Variants in PCDH11Y observed in about 807,000 individuals in gnomAD.
PCDH11Y encodes the protein protocadherin-11 Y-linked.
For missense variants in PCDH11Y, 12 were observed against 224.8 expected, an observed-to-expected ratio of 0.05 and a Z score of 6.05; for synonymous variants, 9 against 83.6, an observed-to-expected ratio of 0.11 and a Z score of 4.87.
At chrY:5,109,251 G>C, downstream of PCDH11Y, among the ~76,000 whole-genome samples, 2 of 33,117 alleles carry the variant, frequency 6.0e-5, no homozygotes, top group Non-Finnish European at 7.4e-5. Flanking sequence ...GACATCTTTG[G>C]TTTAATGTAT....
intron 4 of PCDH11Y, among the ~76,000 whole-genome samples, chrY:5,702,394 A>G: frequency 4.0e-5 from 1 of 24,715 alleles, no homozygotes; most frequent in Non-Finnish European, 9.3e-5. Context: ...CGAACTCCCA[A>G]CCTTAGATGA....
chrY:5,462,659 G>A, intron 2 of PCDH11Y, among the ~76,000 whole-genome samples: 1 of 31,479 alleles, frequency 3.2e-5, no homozygotes, highest in Non-Finnish European at 7.6e-5. Context: ...TTTTTGAGAC[G>A]GAGTTTCGCT....
chrY:5,700,101 G>T, intron 4 of PCDH11Y, among the ~76,000 whole-genome samples: 1 of 32,503 alleles, frequency 3.1e-5, no homozygotes, highest in Non-Finnish European at 7.5e-5. Flanking sequence ...CTTGGTGAGA[G>T]CTGCTGACCA....
chrY:5,602,073 GC>G (rs2053473284), intron 4 of PCDH11Y, among the ~76,000 whole-genome samples: 1 of 24,984 alleles, frequency 4.0e-5, no homozygotes, highest in African/African-American at 1.6e-4. Context: ...TCATGCACAA[GC>G]TAAATTGTAC....
At chrY:5,415,217 TA>T (rs2053251959) in intron 2 of PCDH11Y, among the ~76,000 whole-genome samples, 1 of 33,834 alleles carries the variant, frequency 3.0e-5, no homozygotes, top group Non-Finnish European at 7.3e-5. Flanking sequence ...CTGTGTGGTC[TA>T]ACTCTGGAGG....
chrY:5,519,234 C>CA (rs2053376541), intron 3 of PCDH11Y, among the ~76,000 whole-genome samples: 1 of 31,610 alleles, frequency 3.2e-5, no homozygotes, highest in Non-Finnish European at 7.7e-5. Context: ...ACTAAAAATA[C>CA]AAAAAATTAG....
intron 1 of PCDH11Y, among the ~76,000 whole-genome samples, chrY:5,091,120 A>C (rs2124633846): frequency 3.1e-5 from 1 of 32,666 alleles, no homozygotes; most frequent in Non-Finnish European, 7.6e-5. Flanking sequence ...AGTCTTTAAA[A>C]GGAAATATTT....
intron 4 of PCDH11Y, among the ~76,000 whole-genome samples, chrY:5,603,630 G>A (rs2053474871): frequency 3.3e-5 from 1 of 30,558 alleles, no homozygotes; most frequent in African/African-American, 1.3e-4. Context: ...CGATGATCCT[G>A]AAAGATCTTC....
intron 1 of PCDH11Y, among the ~76,000 whole-genome samples, chrY:5,016,866 C>T: frequency 3.0e-5 from 1 of 32,977 alleles, no homozygotes; most frequent in African/African-American, 1.2e-4. Context: ...TAAACAATAC[C>T]AATCATCCAA....
chrY:5,597,744 G>A, intron 4 of PCDH11Y, among the ~76,000 whole-genome samples: 1 of 31,772 alleles, frequency 3.1e-5, no homozygotes, highest in South Asian at 7.0e-4. Context: ...AACCTCATAT[G>A]TTCTCACTCA....
In PCDH11Y at chrY:5,529,218, G is replaced by A. The variant is rs2124691278; in HGVS notation, c.3328+27963G>A. On this transcript the variant is annotated intron_variant, in intron 3 of 4. Transcript: ENST00000400457. ...GAAAGTCAAAGATTTGCTATTGTGTGTATATATGTGTGTGTGTTTGTGTGT... is the reference window on the plus strand; with the variant it reads ...GAAAGTCAAAGATTTGCTATTGTGTATATATATGTGTGTGTGTTTGTGTGT... Among the ~76,000 whole-genome samples, 16 of 32,544 alleles carry A rather than the reference G, an allele frequency of 4.9e-4. No individual in the cohort carries two copies. The South Asian group carries it at 0.011, about 21-fold the overall frequency. The allele number at this position is 32,544 out of a possible 37,273, so 87.3% of individuals were successfully genotyped here. A position where few individuals can be genotyped will look rare whatever the true frequency, so the allele number is the denominator to read the frequency against.
intron 4 of PCDH11Y, among the ~76,000 whole-genome samples, chrY:5,618,391 A>G (rs1602952342): frequency 3.1e-5 from 1 of 32,098 alleles, no homozygotes; most frequent in South Asian, 6.6e-4. Context: ...AAATCAGAAT[A>G]TAGAAGTTCT....
intron 2 of PCDH11Y, among the ~76,000 whole-genome samples, chrY:5,215,217 T>G: frequency 3.2e-5 from 1 of 31,539 alleles, no homozygotes; most frequent in Non-Finnish European, 7.7e-5. Context: ...TTTCCAGGGA[T>G]AGCGGAAATC....
intron 2 of PCDH11Y, among the ~76,000 whole-genome samples, chrY:5,376,249 C>T (rs2124673881): frequency 3.1e-5 from 1 of 32,459 alleles, no homozygotes; most frequent in Non-Finnish European, 7.6e-5. Context: ...CTGCAAGCTC[C>T]GCCTCCCAGG....
intron 2 of PCDH11Y, among the ~76,000 whole-genome samples, chrY:5,465,552 A>C (rs2053307414): frequency 3.2e-5 from 1 of 31,440 alleles, no homozygotes; most frequent in Admixed American, 3.0e-4. Context: ...CCATTTCTTT[A>C]GCTATCTTTA....
chrY:5,532,168 AGTT>A (rs2053394035), intron 3 of PCDH11Y, among the ~76,000 whole-genome samples: 2 of 29,019 alleles, frequency 6.9e-5, no homozygotes, highest in Non-Finnish European at 8.1e-5. Flanking sequence ...TTCTCTCTCC[AGTT>A]GTATTGGGTT....
At chrY:5,644,834 C>CAA (rs34505230) in intron 4 of PCDH11Y, among the ~76,000 whole-genome samples, 1 of 5,044 alleles carries the variant, frequency 2.0e-4, no homozygotes, top group African/African-American at 8.9e-4. Context: ...AACTCTTTCT[C>CAA]AAAAAAAAAA....
intron 2 of PCDH11Y, among the ~76,000 whole-genome samples, chrY:5,386,285 GA>G (rs2053215533): frequency 6.1e-5 from 2 of 33,017 alleles, no homozygotes; most frequent in Admixed American, 5.7e-4. Context: ...CAGCTCTTAA[GA>G]TTCTTTCCTT....
chrY:5,325,911 G>A (rs2124666451), intron 2 of PCDH11Y, among the ~76,000 whole-genome samples: 1 of 33,340 alleles, frequency 3.0e-5, no homozygotes, highest in South Asian at 6.9e-4. Flanking sequence ...GTAGCATTCC[G>A]AGGACAGGCC....
Sources: allele counts gnomAD v4.1 joint callset (sites outside exome capture counted in the v4.1 genomes callset), GRCh38; gene constraint gnomAD v4.1.1; transcripts MANE v1.5; gene names NCBI Gene and HGNC (gene_info 2026-07-23, HGNC 2026-07-21).